GALT: variants seen among roughly 807,000 people sequenced by gnomAD.
GALT encodes the protein galactose-1-phosphate uridylyltransferase, also known as UDP-glucose--hexose-1-phosphate uridylyltransferase.
In GALT, 42 loss-of-function variants were observed where a neutral mutation model predicts 55.4. The observed-to-expected ratio is 0.76, with a 90% confidence interval of 0.59 to 0.98. The LOEUF (loss-of-function observed/expected upper bound fraction) is 0.98. Among genes scored for constraint, GALT ranks in the 50% least tolerant of loss-of-function variants. The pLI is 0.00. For synonymous variants in GALT, 154 were observed against 181.5 expected (o/e 0.85, Z 1.22); for missense variants, 407 against 495.7 (o/e 0.82, Z 1.70).
rs1587238122 is a variant in GALT, at chr9:34,647,671, C to T, written c.343C>T (p.Pro115Ser). Residue 115 changes from proline (P) to serine (S), a missense_variant, in exon 4 of 11, where the codon CCC (proline) becomes TCC (serine). Pro to Ser is a moderately conservative substitution (Grantham distance 74). Coordinates refer to ENST00000378842, the MANE Select transcript of GALT (RefSeq NM_000155.4). This position sits in a 1 kb window ranked among gnomAD's most constrained non-coding sequence, Gnocchi z 5.6. ...DAPSPGPSDH[P>S]LFQAKSARGV... is the part of the protein sequence containing the mutation. The stretch of plus-strand genomic sequence containing the variant: ...CTTTACCTCAGGACCCAGTGATCAT[C>T]CCCTTTTCCAAGCAAAGTCTGCTCG... 1.2e-6 allele frequency: 2 copies of T among 1,614,158 alleles called. No homozygotes were observed. The highest frequency in any genetic ancestry group is 1.7e-6 in the Non-Finnish European group (2 of 1,180,024).
intron 1 of GALT, 113 bp from the exon 2 acceptor site, chr9:34,646,976 T>A (rs1437767362): frequency 1.9e-6 from 3 of 1,606,338 alleles, no homozygotes; most frequent in Non-Finnish European, 1.7e-6. Context: ...CTCTAGCTCC[T>A]GAGCGGGACA....
Position 34,648,422 on chromosome 9 carries a change from T to G in GALT, c.653T>G (p.Leu218Arg). The change falls in exon 7 of 11, where the codon CTA (leucine) becomes CGA (arginine). Residue 218 changes from leucine to arginine, a missense_variant. Coordinates refer to ENST00000378842, the MANE Select transcript of GALT (RefSeq NM_000155.4). The surrounding 1 kb of genome is among the most constrained non-coding windows in gnomAD (Gnocchi z 4.9). ...AYKSQHGEPLLMEYSRQELLR... is the reference protein window; with the variant it reads ...AYKSQHGEPLRMEYSRQELLR... Reference sequence around the variant, plus strand: ...AAGAGTCAGCATGGAGAGCCCCTGCTAATGGAGTACAGCCGCCAGGAGCTA... The same window carrying G: ...AAGAGTCAGCATGGAGAGCCCCTGCGAATGGAGTACAGCCGCCAGGAGCTA... 1 of 1,614,134 alleles carries G rather than the reference T, an allele frequency of 6.2e-7. No individual in the cohort carries two copies. The highest frequency in any genetic ancestry group is 8.5e-7 in the Non-Finnish European group (1 of 1,180,026).
Position 34,647,778 on chromosome 9 carries a change from C to T in GALT, c.378-54C>T, listed in dbSNP as rs368616856. The T allele has an allele frequency of 2.9e-5, 47 of 1,614,030 alleles. No homozygotes were observed. The highest frequency in any genetic ancestry group is 1.6e-4 in the Middle Eastern group (1 of 6,084). On this transcript the variant is annotated intron_variant, in intron 4 of 10. Coordinates refer to ENST00000378842, the MANE Select transcript of GALT (RefSeq NM_000155.4). This position sits in a 1 kb window ranked among gnomAD's most constrained non-coding sequence, Gnocchi z 5.6. ...CTCAGCATTGGGGTTCGGCCCTGCC[C>T]GTAGCACAGCCAAGCCCTACCTCTC... is the stretch of plus-strand genomic sequence containing the variant.
Position 34,646,761 on chromosome 9 carries a change from C to T in GALT, c.57C>T (p.Ala19=), listed in dbSNP as rs1821111990. Residue 19 remains alanine, a synonymous_variant, in exon 1 of 11, where the codon GCC becomes GCT. Coordinates refer to ENST00000378842, the MANE Select transcript of GALT (RefSeq NM_000155.4). Reference sequence around the variant, plus strand: ...GCCAGCAGGCGTCAGAGGCGGACGCCGCAGCAGCAACCTTCCGGGCAAACG... The same window carrying T: ...GCCAGCAGGCGTCAGAGGCGGACGCTGCAGCAGCAACCTTCCGGGCAAACG... ...QQRQQASEAD[A]AAATFRANDH... is the part of the protein sequence containing the mutation. The T allele has an allele frequency of 2.5e-6, 4 of 1,613,556 alleles. No homozygotes were observed. In the African/African-American group the frequency reaches 4.0e-5, roughly 16 times the overall value.
Position 34,650,505 on chromosome 9 carries a change from T to A in GALT, c.*56T>A. On this transcript the variant is annotated 3_prime_UTR_variant, in exon 11 of 11. Coordinates refer to ENST00000378842, the MANE Select transcript of GALT (RefSeq NM_000155.4). ...TTTGTTTTCAACAGTCTTGCTGAATTAAGCAGAAAGGGCCTTGAATCCTGG... is the reference window on the plus strand; with the variant it reads ...TTTGTTTTCAACAGTCTTGCTGAATAAAGCAGAAAGGGCCTTGAATCCTGG... 1 of 1,525,770 alleles carries A rather than the reference T, an allele frequency of 6.6e-7. No individual in the cohort carries two copies. Among genetic ancestry groups the A allele is most frequent in the Non-Finnish European group, 9.1e-7 (1 of 1,100,652 alleles). 94.5% of individuals were successfully genotyped at this position (1,525,770 alleles called of 1,614,324 possible).
chr9:34,646,696 G>A lies in GALT; in HGVS notation c.-9G>A. The A allele has an allele frequency of 6.2e-7, 1 of 1,613,678 alleles. No individual in the cohort carries two copies. Among genetic ancestry groups the A allele is most frequent in the Non-Finnish European group, 8.5e-7 (1 of 1,179,968 alleles). On this transcript the variant is annotated 5_prime_UTR_variant, in exon 1 of 11. Transcript: ENST00000378842. The stretch of plus-strand genomic sequence containing the variant: ...CTGCAGATTTTCCAGCGGATCCCCC[G>A]GTGGCCTCATGTCGCGCAGTGGAAC...
chr9:34,647,336 GGATA>G lies in GALT; in HGVS notation c.252+80_252+83del. 1 of 1,604,126 alleles carries G rather than the reference GGATA, an allele frequency of 6.2e-7. No homozygotes were observed. The highest frequency in any genetic ancestry group is 8.5e-7 in the Non-Finnish European group (1 of 1,171,898). On this transcript the variant is annotated intron_variant, in intron 2 of 10. Coordinates refer to ENST00000378842, the MANE Select transcript of GALT (RefSeq NM_000155.4). The surrounding 1 kb of genome is among the most constrained non-coding windows in gnomAD (Gnocchi z 5.6). ...TCTTAGAACTGTCCTCCACCCACAG[GGATA>G]GTGAACCTCCTTCTGGGTCATATCC...
chr9:34,647,662 A>T lies in GALT; in HGVS notation c.334A>T (p.Ser112Cys). 6.2e-7 allele frequency: 1 copy of T among 1,614,158 alleles called. No individual in the cohort carries two copies. The highest frequency in any genetic ancestry group is 1.1e-5 in the South Asian group (1 of 91,088). The change falls in exon 4 of 11, where the codon AGT becomes TGT. Residue 112 changes from serine to cysteine, a missense_variant. Coordinates refer to ENST00000378842, the MANE Select transcript of GALT (RefSeq NM_000155.4). This position sits in a 1 kb window ranked among gnomAD's most constrained non-coding sequence, Gnocchi z 5.6. ...LQPDAPSPGP[S>C]DHPLFQAKSA... is the part of the protein sequence containing the mutation. ...GTGATACTCCTTTACCTCAGGACCC[A>T]GTGATCATCCCCTTTTCCAAGCAAA...
intron 10 of GALT, chr9:34,649,852 C>G (rs937399314): frequency 1.2e-5 from 5 of 421,160 alleles, no homozygotes; most frequent in Non-Finnish European, 2.2e-5. Flanking sequence ...TCTTTCATCC[C>G]CTGGTGGCTT....
intron 1 of GALT, 35 bp downstream of exon 1, chr9:34,646,821 G>A: frequency 6.2e-7 from 1 of 1,612,870 alleles, no homozygotes; most frequent in Non-Finnish European, 8.5e-7. Context: ...GCTGGGGCGC[G>A]GAGCCGAGCC....
rs900470776 is a variant in GALT at position 34,648,671 on chromosome 9, A to G, written c.688-91A>G. 6.4e-6 allele frequency: 10 copies of G among 1,562,376 alleles called. No homozygotes were observed. The African/African-American group carries it at 1.4e-4, about 21-fold the overall frequency. On this transcript the variant is annotated intron_variant, in intron 7 of 10. Transcript: ENST00000378842. This position sits in a 1 kb window ranked among gnomAD's most constrained non-coding sequence, Gnocchi z 4.9. ...TGAGAAGACATCAGATCCTGGGCAC[A>G]TTCTTTTCTTCTGCTTCCCTTGCCT...
At position 34,648,362 on chromosome 9, in the gene GALT, T is replaced by C. The variant is rs1483461355; in HGVS notation, c.593T>C (p.Ile198Thr). 3.1e-6 allele frequency: 5 copies of C among 1,614,076 alleles called. No homozygotes were observed. The highest frequency in any genetic ancestry group is 4.2e-6 in the Non-Finnish European group (5 of 1,180,044). The change falls in exon 7 of 11, where the codon ATT becomes ACT. Residue 198 changes from isoleucine to threonine, a missense_variant. Transcript: ENST00000378842. This position sits in a 1 kb window ranked among gnomAD's most constrained non-coding sequence, Gnocchi z 4.9. ...QVWASSFLPD[I>T]AQREERSQQA... ...TGGGCCAGCAGTTTCCTGCCAGATA[T>C]TGCCCAGCGTGAGGAGCGATCTCAG...
chr9:34,648,929 C>A lies in GALT; in HGVS notation c.820+35C>A, dbSNP rs372834460. ...CCAAGTAGGATCCTGGGGCTAGGCA[C>A]TGGATGGAGGTTGCTCCCAGTAGGG... On this transcript the variant is annotated intron_variant, in intron 8 of 10. Coordinates refer to ENST00000378842, the MANE Select transcript of GALT (RefSeq NM_000155.4). The surrounding 1 kb of genome is among the most constrained non-coding windows in gnomAD (Gnocchi z 4.9). 1.9e-6 allele frequency: 3 copies of A among 1,613,796 alleles called. No homozygotes were observed. The highest frequency in any genetic ancestry group is 2.7e-5 in the African/African-American group (2 of 74,896).
Position 34,647,413 on chromosome 9 carries a change from A to G in GALT, c.253-79A>G. 6.3e-7 allele frequency: 1 copy of G among 1,577,022 alleles called. No homozygotes were observed. The highest frequency in any genetic ancestry group is 8.7e-7 in the Non-Finnish European group (1 of 1,146,396). ...GGGTGGGCCTTCCCTACTCCCTTGT[A>G]GCCTGTCCAGTCTTTGAAGCCCACC... On this transcript the variant is annotated intron_variant, in intron 2 of 10. Transcript: ENST00000378842. This position sits in a 1 kb window ranked among gnomAD's most constrained non-coding sequence, Gnocchi z 5.6.
chr9:34,649,405 G>A lies in GALT; in HGVS notation c.905-5G>A, dbSNP rs111258262. 5.0e-6 allele frequency: 8 copies of A among 1,614,138 alleles called. No homozygotes were observed. In the South Asian group the frequency reaches 6.6e-5, roughly 13 times the overall value. On this transcript the variant is annotated splice_region_variant and splice_polypyrimidine_tract_variant and intron_variant, in intron 9 of 10. Transcript: ENST00000378842. ...TCTCCCCACTGTCTCTCTTCTTTCT[G>A]TCAGGGGCTCCCACAGGATCAGAGG...
chr9:34,647,203 C>T lies in GALT; in HGVS notation c.197C>T (p.Pro66Leu), dbSNP rs111033656. ...GAGCCCCAGCTTCTGAAGACAGTGC[C>T]CCGCCATGACCCTCTCAACCCTCTG... ...QVEPQLLKTV[P>L]RHDPLNPLCP... The change falls in exon 2 of 11, where the codon CCC becomes CTC. Residue 66 changes from proline (P) to leucine (L), a missense_variant. Pro to Leu is a moderately conservative substitution (Grantham distance 98). Transcript: ENST00000378842. This position sits in a 1 kb window ranked among gnomAD's most constrained non-coding sequence, Gnocchi z 5.6. The T allele has an allele frequency of 3.8e-5, 62 of 1,614,060 alleles. No individual in the cohort carries two copies. Among genetic ancestry groups the T allele is most frequent in the Non-Finnish European group, 4.9e-5 (58 of 1,180,032 alleles).
At position 34,648,576 on chromosome 9, in the gene GALT, T is replaced by C; in HGVS notation, c.687+120T>C. On this transcript the variant is annotated intron_variant, in intron 7 of 10. Coordinates refer to ENST00000378842, the MANE Select transcript of GALT (RefSeq NM_000155.4). The surrounding 1 kb of genome is among the most constrained non-coding windows in gnomAD (Gnocchi z 4.9). ...TAGAGAGAGACTTGCTAGGAGGCCTTAGCAATAATCCAGTAATCTAAAGGA... is the reference window on the plus strand; with the variant it reads ...TAGAGAGAGACTTGCTAGGAGGCCTCAGCAATAATCCAGTAATCTAAAGGA... 6.5e-7 allele frequency: 1 copy of C among 1,546,148 alleles called. No homozygotes were observed. Among genetic ancestry groups the C allele is most frequent in the Non-Finnish European group, 8.9e-7 (1 of 1,122,420 alleles).
At chr9:34,649,670 A>C in intron 10 of GALT, 106 bp downstream of exon 10, 1 of 1,388,264 alleles carries the variant, frequency 7.2e-7, no homozygotes, top group African/African-American at 1.4e-5. Flanking sequence ...CAAGGCAGAA[A>C]ACAGCTCTGG....
chr9:34,649,682 A>G, intron 10 of GALT, 118 bp downstream of exon 10: 2 of 1,270,936 alleles, frequency 1.6e-6, no homozygotes, highest in South Asian at 1.2e-5. Context: ...CAGCTCTGGC[A>G]GGAAGGGACT....
Sources: gnomAD v4.1 joint callset for allele counts on GRCh38, gnomAD v4.1.1 for gene constraint, Gnocchi (gnomAD v3.1) non-coding constraint, MANE v1.5 for transcripts, NCBI Gene and HGNC (gene_info 2026-07-23, HGNC 2026-07-21) for gene names.